METTL2B: variants seen among roughly 807,000 people sequenced by gnomAD.
METTL2B encodes the protein methyltransferase 2B, tRNA N3-cytidine, also known as tRNA N(3)-cytidine methyltransferase METTL2B.
In METTL2B, 28 loss-of-function variants were observed where a neutral mutation model predicts 51.0. The observed-to-expected ratio is 0.55, with a 90% CI of 0.41 to 0.75. METTL2B has a LOEUF of 0.75. METTL2B is among the 30% of genes least tolerant of loss of function. METTL2B has a pLI of 0.00. For synonymous variants in METTL2B, 128 were observed against 166.3 expected, an observed-to-expected ratio of 0.77 and a Z score of 1.77; for missense variants, 313 against 460.7, an observed-to-expected ratio of 0.68 and a Z score of 2.93.
At chr7:128,490,073 C>T (rs1257511802) in intron 5 of METTL2B, among the ~76,000 whole-genome samples, 1 of 152,120 alleles carries the variant, frequency 6.6e-6, no homozygotes, top group Non-Finnish European at 1.5e-5. Context: ...TCTCTCAAAC[C>T]CTGCTGCTGC....
Position 128,501,936 on chromosome 7 carries a change from C to T in METTL2B, c.*20C>T, listed in dbSNP as rs375896143. ...AGCTAAGAGGCACCTGCTGCCAACACGATGCAAGCCCGTTGTGTTTCCGAG... is the reference window on the plus strand; with the variant it reads ...AGCTAAGAGGCACCTGCTGCCAACATGATGCAAGCCCGTTGTGTTTCCGAG... On this transcript the variant is annotated 3_prime_UTR_variant, in exon 9 of 9. Transcript: ENST00000262432. 3.6e-5 allele frequency: 58 copies of T among 1,612,376 alleles called. 1 individual carries two copies. Among genetic ancestry groups the T allele is most frequent in the African/African-American group, 2.1e-4 (16 of 74,848 alleles).
chr7:128,495,788 G>A (rs1270407374), intron 6 of METTL2B, among the ~76,000 whole-genome samples: 1 of 152,156 alleles, frequency 6.6e-6, no homozygotes, highest in African/African-American at 2.4e-5. Flanking sequence ...GTCAGATGGT[G>A]GCTAAGAGAT....
In METTL2B at chr7:128,493,912, A is replaced by G. The variant is rs924164768; in HGVS notation, c.778A>G (p.Ile260Val). The G allele has an allele frequency of 6.2e-7, 1 of 1,604,496 alleles. No homozygotes were observed. The highest frequency in any genetic ancestry group is 8.5e-7 in the Non-Finnish European group (1 of 1,176,862). Reference protein sequence around the residue: ...PKGSLDIIILIFVLSAVVPDK... With the variant: ...PKGSLDIIILVFVLSAVVPDK... The stretch of plus-strand genomic sequence containing the variant: ...GGGCAGTCTTGATATTATCATTCTC[A>G]TATTTGTTCTTTCAGCAGTTGTTCC... The change falls in exon 6 of 9, where the codon ATA becomes GTA. Residue 260 changes from isoleucine to valine, a missense_variant. Around this residue, in one of 4 missense-constraint regions of METTL2B, gnomAD observed 138 missense variants for 187.6 expected, o/e 0.74. Transcript: ENST00000262432.
intron 2 of METTL2B, among the ~76,000 whole-genome samples, 188 bp downstream of exon 2, chr7:128,477,361 AGTC>A (rs1045477184): frequency 6.6e-6 from 1 of 152,126 alleles, no homozygotes; most frequent in Non-Finnish European, 1.5e-5. Context: ...CAAAATCTTA[AGTC>A]GTAGAGGGTT....
At chr7:128,484,217 C>CTTTTTTTTTTTTTTTTGGTTT (rs1792642384) in intron 4 of METTL2B, 1 of 42,412 alleles carries the variant, frequency 2.4e-5, no homozygotes, top group African/African-American at 1.0e-4. Context: ...TGCCTAGATC[C>CTTTTTTTTTTTTTTTTGGTTT]TTTTTTTTTT....
At chr7:128,479,631 G>A in intron 3 of METTL2B, 118 bp downstream of exon 3, 1 of 1,142,972 alleles carries the variant, frequency 8.7e-7, no homozygotes, top group Non-Finnish European at 1.2e-6. Flanking sequence ...GACTAGACTT[G>A]ACCCTTATAT....
intron 4 of METTL2B, among the ~76,000 whole-genome samples, chr7:128,481,718 C>T (rs1799875256): frequency 6.6e-6 from 1 of 152,236 alleles, no homozygotes; most frequent in Admixed American, 6.5e-5. Context: ...CCATAGCACA[C>T]TGCAGGCTCA....
intron 4 of METTL2B, among the ~76,000 whole-genome samples, chr7:128,485,025 T>G (rs1792674010): frequency 6.6e-6 from 1 of 152,170 alleles, no homozygotes; most frequent in African/African-American, 2.4e-5. Flanking sequence ...TCTCTAGCCC[T>G]AAGCAACCAC....
chr7:128,485,362 G>A (rs1054299827), intron 4 of METTL2B, among the ~76,000 whole-genome samples: 21 of 151,994 alleles, frequency 1.4e-4, no homozygotes, highest in African/African-American at 4.1e-4. Flanking sequence ...GTGAGACCCC[G>A]TCTCTACAAA....
intron 4 of METTL2B, among the ~76,000 whole-genome samples, chr7:128,481,248 A>G (rs191713949): frequency 6.6e-6 from 1 of 152,356 alleles, no homozygotes; most frequent in East Asian, 1.9e-4. Context: ...ACACTGACCA[A>G]TTCAACAACA....
intron 4 of METTL2B, chr7:128,484,236 T>TTTTTTTG (rs1584790650): frequency 5.9e-5 from 6 of 101,006 alleles, no homozygotes; most frequent in East Asian, 3.9e-4. Context: ...TTTTTTTTTT[T>TTTTTTTG]TTTTTTTTTG....
chr7:128,496,564 C>A (rs1442103905), intron 6 of METTL2B, among the ~76,000 whole-genome samples: 1 of 152,068 alleles, frequency 6.6e-6, no homozygotes, highest in Non-Finnish European at 1.5e-5. Flanking sequence ...AAACCTATGA[C>A]TTTAGAAGTT....
At chr7:128,492,594 GGTTTGTTTGTTTGTTT>G (rs3993549) in intron 5 of METTL2B, among the ~76,000 whole-genome samples, 18 of 150,544 alleles carry the variant, frequency 1.2e-4, no homozygotes, top group Middle Eastern at 3.5e-3. Flanking sequence ...TCGTGCTTTT[GGTTTGTTTGTTTGTTT>G]GTTTGTTTGT....
chr7:128,500,775 T>A, intron 7 of METTL2B, 128 bp from the exon 8 acceptor site: 1 of 992,532 alleles, frequency 1.0e-6, no homozygotes, highest in Non-Finnish European at 1.5e-6. Context: ...GTTGAGCTGC[T>A]CTTCCCGAAG....
intron 7 of METTL2B, among the ~76,000 whole-genome samples, chr7:128,498,361 G>A (rs1375393388): frequency 6.6e-6 from 1 of 151,924 alleles, no homozygotes; most frequent in Non-Finnish European, 1.5e-5. Flanking sequence ...GGGGCTGGGA[G>A]AGGGAGAGCA....
In METTL2B at chr7:128,498,022, C is replaced by T; in HGVS notation, c.810-14C>T. ...AGGAGACCTGATTAACTATAATTCC[C>T]TGTGTCTCCACAGGATGCAGAAGGC... On this transcript the variant is annotated splice_polypyrimidine_tract_variant and intron_variant, in intron 6 of 8. Transcript: ENST00000262432. 1 of 1,613,070 alleles carries T rather than the reference C, an allele frequency of 6.2e-7. No individual in the cohort carries two copies.
At chr7:128,483,913 G>T (rs1236569729) in intron 4 of METTL2B, 4 of 151,690 alleles carry the variant, frequency 2.6e-5, no homozygotes, top group Admixed American at 2.6e-4. Flanking sequence ...TAGTAGAGAC[G>T]GGGTTTCTCC....
chr7:128,482,951 A>G (rs1799891114), intron 4 of METTL2B: 1 of 152,250 alleles, frequency 6.6e-6, no homozygotes, highest in South Asian at 2.1e-4. Flanking sequence ...AGCCCACAGT[A>G]TTCATTAACA....
chr7:128,501,078 T>G (rs1472786539), intron 8 of METTL2B, 110 bp downstream of exon 8: 2 of 1,560,086 alleles, frequency 1.3e-6, no homozygotes, highest in African/African-American at 1.4e-5. Flanking sequence ...GCAGGCTGTT[T>G]CCTTCGGTTC....
Sources: gnomAD v4.1 joint callset for allele counts (sites outside exome capture counted in the v4.1 genomes callset) on GRCh38, gnomAD v4.1.1 for gene constraint, gnomAD v4.1.1 regional missense constraint, MANE v1.5 for transcripts, NCBI Gene and HGNC (gene_info 2026-07-23, HGNC 2026-07-21) for gene names.